Variants in MAGI1 observed in about 807,000 individuals in gnomAD.
MAGI1 encodes the protein membrane-associated guanylate kinase, WW and PDZ domain-containing protein 1.
MAGI1 carries 58 observed loss-of-function variants against 139.9 expected under a neutral mutation model. The ratio of observed to expected loss-of-function variants is 0.41; its 90% CI spans 0.34 to 0.52. The LOEUF (loss-of-function observed/expected upper bound fraction) is 0.52. Ranked by LOEUF, MAGI1 falls within the 20% of genes least tolerant of loss-of-function variation. MAGI1 has a pLI of 0.12. For synonymous variants in MAGI1, 812 were observed against 737.9 expected (o/e 1.10, Z -1.63); for missense variants, 1,874 against 1,901.6 (o/e 0.99, Z 0.27).
At position 65,379,397 on chromosome 3, in the gene MAGI1, A is replaced by G; in HGVS notation, c.2859T>C (p.Ser953=). The G allele has an allele frequency of 6.2e-7, 1 of 1,612,868 alleles. No homozygotes were observed. The highest frequency in any genetic ancestry group is 1.1e-5 in the South Asian group (1 of 91,036). The part of the protein sequence containing the change: ...SGSGSTSGIG[S]GGGGGSGVVS... Reference sequence around the variant, plus strand: ...CCACGCCGCTGCCCCCGCCGCCGCCACTGCCGATGCCGCTGGTGCTGCCGC... The same window carrying G: ...CCACGCCGCTGCCCCCGCCGCCGCCGCTGCCGATGCCGCTGGTGCTGCCGC... Residue 953 remains serine (S), a synonymous_variant, in exon 17 of 23, where the codon AGT becomes AGC. Transcript: ENST00000402939.
chr3:65,919,479 T>G (rs1231617128), intron 1 of MAGI1, among the ~76,000 whole-genome samples: 1 of 152,000 alleles, frequency 6.6e-6, no homozygotes, highest in African/African-American at 2.4e-5. Context: ...GGAGGATCTC[T>G]TGAGCCCAGG....
intron 1 of MAGI1, among the ~76,000 whole-genome samples, chr3:65,858,183 T>TA (rs1259334438): frequency 6.6e-6 from 1 of 152,206 alleles, no homozygotes; most frequent in Admixed American, 6.5e-5. Flanking sequence ...AATAATGGCC[T>TA]AAGCATAAAT....
chr3:65,766,872 G>A (rs1019474854), intron 1 of MAGI1, among the ~76,000 whole-genome samples: 1 of 152,106 alleles, frequency 6.6e-6, no homozygotes, highest in African/African-American at 2.4e-5. Context: ...CTGGGTGACA[G>A]AGCGAGACTC....
At chr3:65,642,811 C>A (rs1179090000) in intron 1 of MAGI1, among the ~76,000 whole-genome samples, 1 of 152,100 alleles carries the variant, frequency 6.6e-6, no homozygotes, top group Non-Finnish European at 1.5e-5. Context: ...AGGAATAAAG[C>A]TCCATCTCTC....
intron 2 of MAGI1, among the ~76,000 whole-genome samples, chr3:65,581,368 A>G (rs1197562846): frequency 6.6e-6 from 1 of 152,196 alleles, no homozygotes; most frequent in Non-Finnish European, 1.5e-5. Flanking sequence ...GTACAAGAAA[A>G]AAAAAGGCAA....
At chr3:65,845,162 A>C (rs2058944318) in intron 1 of MAGI1, among the ~76,000 whole-genome samples, 1 of 152,006 alleles carries the variant, frequency 6.6e-6, no homozygotes, top group Non-Finnish European at 1.5e-5. Context: ...GAGGCAGGAG[A>C]ATCACTTGAA....
intron 2 of MAGI1, among the ~76,000 whole-genome samples, chr3:65,528,415 G>A (rs1559639974): frequency 6.6e-6 from 1 of 152,178 alleles, no homozygotes; most frequent in East Asian, 1.9e-4. Context: ...ACCATGGCAG[G>A]ACAGGGACTA....
chr3:65,902,487 A>G (rs2061271933), intron 1 of MAGI1: 1 of 152,528 alleles, frequency 6.6e-6, no homozygotes, highest in South Asian at 2.1e-4. Flanking sequence ...TATGTAAAGT[A>G]AGCTCCTACA....
chr3:65,661,861 C>T (rs1051255228), intron 1 of MAGI1, among the ~76,000 whole-genome samples: 5 of 148,098 alleles, frequency 3.4e-5, no homozygotes, highest in African/African-American at 1.2e-4. Context: ...CATTCTCCTG[C>T]CTCAGCCTCC....
intron 1 of MAGI1, among the ~76,000 whole-genome samples, chr3:65,625,878 G>A (rs565318550): frequency 1.3e-5 from 2 of 152,186 alleles, no homozygotes; most frequent in East Asian, 3.9e-4. Flanking sequence ...GTGGACCTAT[G>A]TAAACTCATT....
intron 1 of MAGI1, among the ~76,000 whole-genome samples, chr3:65,651,598 G>A (rs75798466): frequency 0.031 from 4,749 of 152,150 alleles, 109 homozygotes; most frequent in Middle Eastern, 0.065. Context: ...AGACAATGAA[G>A]TCAATTAACT....
chr3:65,393,835 C>T (rs2107021030), intron 13 of MAGI1, among the ~76,000 whole-genome samples: 1 of 152,292 alleles, frequency 6.6e-6, no homozygotes, highest in Middle Eastern at 3.4e-3. Context: ...CCTTGTGCTG[C>T]TGCTTCTTTT....
At chr3:65,386,644 T>C (rs1943468770) in intron 14 of MAGI1, among the ~76,000 whole-genome samples, 1 of 152,186 alleles carries the variant, frequency 6.6e-6, no homozygotes, top group South Asian at 2.1e-4. Context: ...TCAGGCAGAT[T>C]TTATTAGAAT....
At chr3:65,599,660 A>T (rs2082389281) in intron 2 of MAGI1, among the ~76,000 whole-genome samples, 1 of 152,238 alleles carries the variant, frequency 6.6e-6, no homozygotes, top group Non-Finnish European at 1.5e-5. Flanking sequence ...ACAGGTGCTC[A>T]CTAAATGTCA....
At chr3:65,425,108 TA>T (rs72030632) in intron 12 of MAGI1, among the ~76,000 whole-genome samples, 104 of 66,574 alleles carry the variant, frequency 1.6e-3, no homozygotes, top group African/African-American at 4.0e-3. Context: ...GTAGAACTTC[TA>T]AAAAAAAAAA....
At position 65,915,575 on chromosome 3, in the gene MAGI1, C is replaced by T. The variant is rs192802356; in HGVS notation, c.313+122421G>A. Among the ~76,000 whole-genome samples the T allele has an allele frequency of 7.2e-5, 11 of 152,186 alleles. No individual in the cohort carries two copies. In the East Asian group the frequency reaches 7.7e-4, roughly 11 times the overall value. ...GAGACTGGACTGGGAAGAGGAAAAA[C>T]GATGAATAACACACAGGTGCTTCCT... On this transcript the variant is annotated intron_variant, in intron 1 of 22. Transcript: ENST00000402939.
Position 65,356,308 on chromosome 3 carries a change from A to G in MAGI1, c.*70T>C, listed in dbSNP as rs1165646365. ...GATGCTTCATTAGGTAAGAAACTAA[A>G]TAATTTCAGGTTTGTGACTTTCCTC... On this transcript the variant is annotated 3_prime_UTR_variant, in exon 23 of 23. Transcript: ENST00000402939. 2.1e-6 allele frequency: 3 copies of G among 1,457,586 alleles called. No homozygotes were observed. Among genetic ancestry groups the G allele is most frequent in the African/African-American group, 2.9e-5 (2 of 70,152 alleles). The allele number at this position is 1,457,586 out of a possible 1,614,324, so 90.3% of individuals were successfully genotyped here. A position where few individuals can be genotyped will look rare whatever the true frequency, so the allele number is the denominator to read the frequency against.
chr3:65,731,936 T>C (rs1406282756), intron 1 of MAGI1, among the ~76,000 whole-genome samples: 2 of 152,176 alleles, frequency 1.3e-5, no homozygotes, highest in Middle Eastern at 3.2e-3. Flanking sequence ...GTGTACAATA[T>C]TGTCAGAGTT....
At chr3:65,783,903 A>C (rs1262476422) in intron 1 of MAGI1, among the ~76,000 whole-genome samples, 1 of 151,988 alleles carries the variant, frequency 6.6e-6, no homozygotes, top group Non-Finnish European at 1.5e-5. Flanking sequence ...CAGATGGACC[A>C]CCTGAGGTCA....
Sources: allele counts gnomAD v4.1 joint callset (sites outside exome capture counted in the v4.1 genomes callset), GRCh38; gene constraint gnomAD v4.1.1; transcripts MANE v1.5; gene names NCBI Gene and HGNC (gene_info 2026-07-23, HGNC 2026-07-21).